The following CHD9 variants were observed in gnomAD, a reference collection of about 807,000 sequenced individuals.
CHD9 encodes the protein chromodomain helicase DNA binding protein 9, also known as ATP-dependent chromatin remodeler CHD9.
CHD9 carries 77 observed loss-of-function variants against 316.1 expected under a neutral mutation model. That is an observed-to-expected ratio of 0.24 (90% confidence interval 0.20 to 0.29). The LOEUF (loss-of-function observed/expected upper bound fraction) is 0.29. Ranked by LOEUF, CHD9 falls within the 10% of genes least tolerant of loss-of-function variation. The pLI is 1.00. For missense variants in CHD9, 2,763 were observed against 3,438.1 expected (o/e 0.80, Z 4.91); for synonymous variants, 1,129 against 1,158.3 (o/e 0.97, Z 0.51).
At chr16:53,267,230 G>A (rs1025339981) in intron 20 of CHD9, 64 bp from the exon 21 acceptor site, 4 of 1,062,574 alleles carry the variant, frequency 3.8e-6, no homozygotes, top group Non-Finnish European at 5.2e-6. Flanking sequence ...AGGTAAAAAT[G>A]TAGAACACTG....
intron 30 of CHD9, among the ~76,000 whole-genome samples, chr16:53,302,537 AATTAAC>A (rs1377152520): frequency 6.6e-6 from 1 of 152,190 alleles, no homozygotes; most frequent in Non-Finnish European, 1.5e-5. Context: ...AAATTACTGT[AATTAAC>A]AAATATCTTA....
At chr16:53,227,644 T>A (rs1351897496) in intron 7 of CHD9, 41 bp downstream of exon 7, 3 of 595,222 alleles carry the variant, frequency 5.0e-6, no homozygotes, top group Non-Finnish European at 8.0e-6. Context: ...AGATGTTGAT[T>A]TACATATAAA....
intron 1 of CHD9, among the ~76,000 whole-genome samples, chr16:53,088,703 G>C (rs1265851118): frequency 6.6e-6 from 1 of 152,160 alleles, no homozygotes; most frequent in Non-Finnish European, 1.5e-5. Context: ...GGTGAGGCCA[G>C]GCATAGTGGC....
At position 53,321,561 on chromosome 16, in the gene CHD9, A is replaced by G; in HGVS notation, c.7749A>G (p.Leu2583=). The change falls in exon 38 of 39, where the codon TTA becomes TTG. Residue 2583 remains leucine (L), a synonymous_variant. Transcript: ENST00000447540. Reference sequence around the variant, plus strand: ...CATTTGCTCCCCCTTTGAAAGATTTATGTAGATTCCTAAAAGAAAATTCAG... The same window carrying G: ...CATTTGCTCCCCCTTTGAAAGATTTGTGTAGATTCCTAAAAGAAAATTCAG... The part of the protein sequence containing the change: ...GGAFAPPLKD[L]CRFLKENSEY... 1 of 1,554,044 alleles carries G rather than the reference A, an allele frequency of 6.4e-7. No homozygotes were observed. The highest frequency in any genetic ancestry group is 8.7e-7 in the Non-Finnish European group (1 of 1,144,948).
chr16:53,280,745 C>G (rs772687909), intron 24 of CHD9, among the ~76,000 whole-genome samples: 14 of 151,304 alleles, frequency 9.3e-5, no homozygotes, highest in Non-Finnish European at 3.0e-5. Context: ...AAGATTCAGA[C>G]AACAACAAAA....
intron 3 of CHD9, among the ~76,000 whole-genome samples, chr16:53,218,626 G>A (rs531537053): frequency 1.5e-4 from 23 of 152,112 alleles, no homozygotes; most frequent in African/African-American, 3.4e-4. Flanking sequence ...AAATATCTCC[G>A]CCTCTCATTT....
chr16:53,116,874 C>T (rs1376279817), intron 1 of CHD9, among the ~76,000 whole-genome samples: 4 of 152,108 alleles, frequency 2.6e-5, no homozygotes, highest in Non-Finnish European at 5.9e-5. Flanking sequence ...ACATTTAAAC[C>T]ATGGAATGCT....
At chr16:53,182,479 A>T (rs959778595) in intron 2 of CHD9, among the ~76,000 whole-genome samples, 2 of 152,162 alleles carry the variant, frequency 1.3e-5, no homozygotes, top group Non-Finnish European at 2.9e-5. Flanking sequence ...CCTTCAGAGG[A>T]TAGTCTTTTG....
chr16:53,069,406 C>A (rs2033812025), intron 1 of CHD9, among the ~76,000 whole-genome samples: 1 of 152,220 alleles, frequency 6.6e-6, no homozygotes, highest in African/African-American at 2.4e-5. Context: ...AGCTGAAACT[C>A]TGTCCCCATT....
intron 16 of CHD9, chr16:53,247,870 G>T (rs2049770041): frequency 6.1e-6 from 1 of 164,734 alleles, no homozygotes; most frequent in Admixed American, 6.2e-5. Context: ...AAGAACTTTG[G>T]ATCTATTTCA....
chr16:53,117,153 A>G lies in CHD9; in HGVS notation c.-164-38773A>G, dbSNP rs187031940. On this transcript the variant is annotated intron_variant, in intron 1 of 38. Coordinates refer to ENST00000447540, the MANE Select transcript of CHD9 (RefSeq NM_001308319.2). ...ATTCATACTTAGGTGATGGGTCGAT[A>G]GGTGTAGCAAACCACCATGGCACAC... 3.0e-3 allele frequency among the ~76,000 whole-genome samples: 461 copies of G among 152,284 alleles called. 3 individuals are homozygous for G. The highest frequency in any genetic ancestry group is 4.7e-3 in the Non-Finnish European group (320 of 68,028).
intron 22 of CHD9, among the ~76,000 whole-genome samples, chr16:53,270,771 A>T (rs914550865): frequency 2.6e-5 from 4 of 152,244 alleles, no homozygotes; most frequent in Non-Finnish European, 5.9e-5. Flanking sequence ...TTAGGTCAGC[A>T]GTGGGAAAGG....
intron 1 of CHD9, among the ~76,000 whole-genome samples, chr16:53,094,912 T>A (rs539821824): frequency 1.3e-5 from 2 of 152,310 alleles, no homozygotes; most frequent in East Asian, 3.9e-4. Context: ...GTGCTGGGAT[T>A]ACAGGCGTGA....
At chr16:53,223,960 T>C (rs1464231695) in intron 4 of CHD9, among the ~76,000 whole-genome samples, 1 of 152,192 alleles carries the variant, frequency 6.6e-6, no homozygotes, top group African/African-American at 2.4e-5. Context: ...CCTTTAATCT[T>C]AATAGAGAAT....
intron 1 of CHD9, among the ~76,000 whole-genome samples, chr16:53,065,233 A>C (rs970434929): frequency 3.3e-5 from 5 of 152,194 alleles, no homozygotes; most frequent in African/African-American, 2.4e-5. Context: ...GAGTGGCAGC[A>C]CTGCTAGTAT....
At chr16:53,164,649 G>A (rs1435560268) in intron 2 of CHD9, among the ~76,000 whole-genome samples, 3 of 151,560 alleles carry the variant, frequency 2.0e-5, no homozygotes, top group African/African-American at 7.3e-5. Flanking sequence ...TTTTGGAGGG[G>A]GGGGTTTGTT....
intron 2 of CHD9, among the ~76,000 whole-genome samples, chr16:53,197,846 C>T (rs1391336170): frequency 1.3e-5 from 2 of 151,856 alleles, no homozygotes; most frequent in South Asian, 2.1e-4. Context: ...TTAGTAGACA[C>T]GGGGTTTCAC....
intron 1 of CHD9, among the ~76,000 whole-genome samples, chr16:53,068,185 A>G (rs545339076): frequency 3.3e-5 from 5 of 152,298 alleles, no homozygotes; most frequent in East Asian, 1.9e-4. Flanking sequence ...CAGCTGAAAT[A>G]TAGAGCTAAT....
intron 1 of CHD9, among the ~76,000 whole-genome samples, chr16:53,154,493 G>A (rs1237940652): frequency 6.6e-6 from 1 of 152,176 alleles, no homozygotes; most frequent in Non-Finnish European, 1.5e-5. Context: ...GCATCTTCTA[G>A]AGAAGCAGTC....
Sources: allele counts gnomAD v4.1 joint callset (sites outside exome capture counted in the v4.1 genomes callset), GRCh38; gene constraint gnomAD v4.1.1; transcripts MANE v1.5; gene names NCBI Gene and HGNC (gene_info 2026-07-23, HGNC 2026-07-21).